The following NAV3 variants were observed in gnomAD, a reference collection of about 807,000 sequenced individuals.
NAV3 encodes the protein neuron navigator 3, also known as pore membrane and/or filament interacting like protein 1.
In NAV3, 87 loss-of-function variants were observed where a neutral mutation model predicts 244.7. That is an observed-to-expected ratio of 0.36 (90% CI 0.30 to 0.42). The LOEUF (loss-of-function observed/expected upper bound fraction) is 0.42. Among genes scored for constraint, NAV3 ranks in the 20% least tolerant of loss-of-function variants. The pLI is 1.00. For missense variants in NAV3, 2,663 were observed against 2,893.3 expected, an observed-to-expected ratio of 0.92 and a Z score of 1.83; for synonymous variants, 1,126 against 1,042.2, an observed-to-expected ratio of 1.08 and a Z score of -1.55.
At chr12:78,059,230 AATAATTATTTTATTTTG>A in intron 12 of NAV3, 115 bp downstream of exon 12, 2 of 929,256 alleles carry the variant, frequency 2.2e-6, no homozygotes, top group Non-Finnish European at 3.0e-6. Flanking sequence ...TATTTTGATA[AATAATTATTTTATTTTG>A]ATAAATAATT....
chr12:77,946,458 A>G (rs1313646546), intron 3 of NAV3, among the ~76,000 whole-genome samples: 1 of 152,108 alleles, frequency 6.6e-6, no homozygotes, highest in Non-Finnish European at 1.5e-5. Flanking sequence ...GTTCATATTT[A>G]TCTTAAGTTT....
intron 2 of NAV3, among the ~76,000 whole-genome samples, chr12:77,747,248 C>T (rs1324719096): frequency 1.3e-5 from 2 of 152,230 alleles, no homozygotes; most frequent in East Asian, 3.9e-4. Flanking sequence ...TGAGAAGTGT[C>T]TGTTCATATC....
Position 78,118,293 on chromosome 12 carries a change from A to G in NAV3, c.3036A>G (p.Thr1012=). The change falls in exon 14 of 40, where the codon ACA becomes ACG. Residue 1012 remains threonine, a synonymous_variant. Coordinates refer to ENST00000397909, the MANE Select transcript of NAV3 (RefSeq NM_001024383.2). ...RQKAGTSALK[T]PGKTDDAKAS... is the part of the protein sequence containing the mutation. ...AAGCTGGAACAAGTGCACTCAAAAC[A>G]CCCGGTAGGCTTGTCGTTTGCCAGC... 6.3e-7 allele frequency: 1 copy of G among 1,599,244 alleles called. No homozygotes were observed. Among genetic ancestry groups the G allele is most frequent in the South Asian group, 1.1e-5 (1 of 90,766 alleles).
intron 2 of NAV3, among the ~76,000 whole-genome samples, chr12:77,714,572 A>G (rs771376680): frequency 2.0e-5 from 3 of 152,090 alleles, no homozygotes; most frequent in African/African-American, 7.2e-5. Flanking sequence ...CTGTAATAGG[A>G]CCTCTCGTAA....
upstream of NAV3, among the ~76,000 whole-genome samples, chr12:77,828,018 C>T (rs1278928155): frequency 6.6e-6 from 1 of 152,142 alleles, no homozygotes; most frequent in Admixed American, 6.5e-5. Context: ...CTTTCCCTCT[C>T]CCTCGTGATG....
At chr12:78,042,739 A>G in intron 9 of NAV3, among the ~76,000 whole-genome samples, 1 of 152,214 alleles carries the variant, frequency 6.6e-6, no homozygotes, top group East Asian at 1.9e-4. Context: ...CAGTGATCCA[A>G]GATGGTGCCA....
chr12:78,132,964 A>G (rs992985585), intron 18 of NAV3, among the ~76,000 whole-genome samples: 4 of 152,166 alleles, frequency 2.6e-5, no homozygotes, highest in African/African-American at 9.6e-5. Context: ...TACATTTTCA[A>G]TAGACAGGAA....
At position 77,831,691 on chromosome 12, in the gene NAV3, A is replaced by G. The variant is rs1298638589; in HGVS notation, c.230A>G (p.Lys77Arg). The G allele has an allele frequency of 1.9e-6, 3 of 1,606,548 alleles. No homozygotes were observed. Among genetic ancestry groups the G allele is most frequent in the East Asian group, 4.5e-5 (2 of 44,836 alleles). ...KKPLQGKAKEKEDSKIYTDWA... is the reference protein window; with the variant it reads ...KKPLQGKAKEREDSKIYTDWA... Reference sequence around the variant, plus strand: ...CCCCTCCAAGGAAAAGCCAAGGAGAAAGAAGACAGCAAGGTTAGTTGCTGA... The same window carrying G: ...CCCCTCCAAGGAAAAGCCAAGGAGAGAGAAGACAGCAAGGTTAGTTGCTGA... Residue 77 changes from lysine to arginine, a missense_variant, in exon 1 of 40, where the codon AAA (lysine) becomes AGA (arginine). Around this residue, in one of 6 missense-constraint regions of NAV3, gnomAD observed 1,521 missense variants for 1,497.0 expected, o/e 1.02. Coordinates refer to ENST00000397909, the MANE Select transcript of NAV3 (RefSeq NM_001024383.2).
intron 9 of NAV3, among the ~76,000 whole-genome samples, chr12:78,032,423 A>T (rs371806846): frequency 5.3e-5 from 8 of 152,338 alleles, no homozygotes; most frequent in African/African-American, 1.9e-4. Flanking sequence ...GAAATGCATG[A>T]CACTCAATAA....
intron 24 of NAV3, among the ~76,000 whole-genome samples, chr12:78,169,105 C>T (rs1324146286): frequency 2.0e-5 from 3 of 151,644 alleles, no homozygotes; most frequent in Non-Finnish European, 4.4e-5. Context: ...TTAAACTGAT[C>T]TTAAGAAATT....
At chr12:77,868,853 T>C (rs1016408720) in intron 1 of NAV3, among the ~76,000 whole-genome samples, 1 of 151,330 alleles carries the variant, frequency 6.6e-6, no homozygotes, top group African/African-American at 2.4e-5. Flanking sequence ...GCGGATTGCC[T>C]GAGCTCAGGA....
intron 2 of NAV3, among the ~76,000 whole-genome samples, chr12:77,682,229 T>C (rs1874506783): frequency 6.6e-6 from 1 of 152,190 alleles, no homozygotes; most frequent in African/African-American, 2.4e-5. Flanking sequence ...TTTTAGATTC[T>C]ACATATGAAT....
chr12:77,667,294 G>C (rs112274398), intron 2 of NAV3, among the ~76,000 whole-genome samples: 1 of 152,104 alleles, frequency 6.6e-6, no homozygotes, highest in Admixed American at 6.6e-5. Context: ...GCTGCCGCAG[G>C]CTCCCTGAGA....
chr12:77,572,581 T>C (rs930035280), intron 2 of NAV3, among the ~76,000 whole-genome samples: 1 of 152,112 alleles, frequency 6.6e-6, no homozygotes, highest in Admixed American at 6.5e-5. Context: ...GAGGCATGAG[T>C]CACAGGCACC....
chr12:77,926,741 G>A (rs1888262257), intron 1 of NAV3, among the ~76,000 whole-genome samples: 1 of 152,104 alleles, frequency 6.6e-6, no homozygotes, highest in Admixed American at 6.6e-5. Context: ...CTAGGATGGG[G>A]CCTGGTAAGT....
intron 2 of NAV3, among the ~76,000 whole-genome samples, chr12:77,747,165 A>G (rs1373831599): frequency 3.3e-5 from 5 of 152,194 alleles, no homozygotes; most frequent in Non-Finnish European, 7.3e-5. Context: ...ATAGTGTAGT[A>G]GATAAATTTT....
Position 78,199,362 on chromosome 12 carries a change from A to G in NAV3, c.6546A>G (p.Glu2182=), listed in dbSNP as rs761041674. ...GGGTATTATGTGCAAATCATACAGA[A>G]CCAGTGAAAGGCTTTTTAGGCAGAT... ...FRWVLCANHT[E]PVKGFLGRYL... Residue 2182 remains glutamate, a synonymous_variant, in exon 37 of 40, where the codon GAA becomes GAG. Transcript: ENST00000397909. The G allele has an allele frequency of 1.2e-6, 2 of 1,609,542 alleles. No individual in the cohort carries two copies. The highest frequency in any genetic ancestry group is 1.7e-6 in the Non-Finnish European group (2 of 1,178,102).
At chr12:78,152,027 G>T (rs939772415) in intron 22 of NAV3, among the ~76,000 whole-genome samples, 11 of 150,768 alleles carry the variant, frequency 7.3e-5, no homozygotes, top group African/African-American at 1.2e-4. Context: ...AAAGATCTAC[G>T]ACAGTTCTTT....
At chr12:77,820,134 G>A (rs969154094) in intron 2 of NAV3, among the ~76,000 whole-genome samples, 5 of 151,872 alleles carry the variant, frequency 3.3e-5, no homozygotes, top group Admixed American at 3.3e-4. Flanking sequence ...CTGGTAAGAA[G>A]CAGATAAAAA....
Sources: allele counts gnomAD v4.1 joint callset (sites outside exome capture counted in the v4.1 genomes callset), GRCh38; gene constraint gnomAD v4.1.1; regional missense constraint gnomAD v4.1.1; transcripts MANE v1.5; gene names NCBI Gene and HGNC (gene_info 2026-07-23, HGNC 2026-07-21).